BANF2: variants seen among roughly 807,000 people sequenced by gnomAD.
BANF2 encodes the protein barrier-to-autointegration factor-like protein.
A neutral mutation model predicts 8.0 loss-of-function variants in BANF2; 4 were observed. The observed-to-expected ratio is 0.50, with a 90% CI of 0.25 to 1.14. The LOEUF is 1.14. Ranked by LOEUF, BANF2 falls within the 50% of genes most tolerant of loss-of-function variation. The pLI is 0.16. For synonymous variants in BANF2, 50 were observed against 40.6 expected (o/e 1.23, Z -0.88); for missense variants, 96 against 107.5 (o/e 0.89, Z 0.47).
intron 1 of BANF2, among the ~76,000 whole-genome samples, chr20:17,719,735 T>C (rs11906563): frequency 0.033 from 5,058 of 151,716 alleles, 279 homozygotes; most frequent in African/African-American, 0.11. Flanking sequence ...GTCTGTCTGC[T>C]CTGAAGTTCT....
chr20:17,698,996 G>A (rs1338717675), upstream of BANF2, among the ~76,000 whole-genome samples: 2 of 152,048 alleles, frequency 1.3e-5, no homozygotes, highest in Non-Finnish European at 2.9e-5. Flanking sequence ...CAGCCTCAAC[G>A]TCATGTGGGA....
chr20:17,709,685 A>G (rs1474475930), intron 1 of BANF2, among the ~76,000 whole-genome samples: 1 of 152,230 alleles, frequency 6.6e-6, no homozygotes, highest in Non-Finnish European at 1.5e-5. Context: ...TCAGTGGTTG[A>G]GAACACAGAT....
upstream of BANF2, among the ~76,000 whole-genome samples, chr20:17,698,229 A>T (rs1045672809): frequency 2.7e-5 from 2 of 72,998 alleles, no homozygotes; most frequent in Non-Finnish European, 8.1e-5. Flanking sequence ...AATAATAATA[A>T]AAAAAAAAGG....
chr20:17,712,504 A>G (rs1485344730), intron 1 of BANF2: 17 of 982,528 alleles, frequency 1.7e-5, no homozygotes, highest in Non-Finnish European at 2.1e-5. Context: ...ACCCACTGGA[A>G]TCTAAAGAGT....
chr20:17,735,227 C>T (rs1291418088), intron 3 of BANF2, among the ~76,000 whole-genome samples: 2 of 152,202 alleles, frequency 1.3e-5, no homozygotes, highest in Non-Finnish European at 2.9e-5. Context: ...AAGAGAAATG[C>T]TTCACTGGAG....
At chr20:17,727,871 T>C (rs2037831557) in intron 3 of BANF2, among the ~76,000 whole-genome samples, 1 of 152,126 alleles carries the variant, frequency 6.6e-6, no homozygotes, top group Non-Finnish European at 1.5e-5. Context: ...CCCAAGTAGC[T>C]AAGACTAGAG....
chr20:17,703,193 C>T (rs2037434747), intron 1 of BANF2, among the ~76,000 whole-genome samples: 1 of 152,228 alleles, frequency 6.6e-6, no homozygotes, highest in African/African-American at 2.4e-5. Flanking sequence ...TCAGAAAGAT[C>T]TTCCCTATTC....
At chr20:17,724,441 G>T (rs1390655006) in intron 2 of BANF2, among the ~76,000 whole-genome samples, 1 of 152,174 alleles carries the variant, frequency 6.6e-6, no homozygotes, top group Non-Finnish European at 1.5e-5. Context: ...CCACCATGAG[G>T]GGAGCCAAGC....
At chr20:17,712,447 C>A in intron 1 of BANF2, 1 of 850,984 alleles carries the variant, frequency 1.2e-6, no homozygotes, top group Non-Finnish European at 1.4e-6. Flanking sequence ...AGGCAAGCCA[C>A]CAAGTCCCAT....
At chr20:17,724,927 A>T (rs948488174) in intron 2 of BANF2, 96 bp from the exon 3 acceptor site, 13 of 1,287,214 alleles carry the variant, frequency 1.0e-5, no homozygotes, top group Non-Finnish European at 1.4e-5. Context: ...CTGTTGCCCC[A>T]GTCCCTTGGT....
chr20:17,707,246 C>G (rs563802982), intron 1 of BANF2, among the ~76,000 whole-genome samples: 2 of 151,840 alleles, frequency 1.3e-5, no homozygotes, highest in East Asian at 1.9e-4. Context: ...AAAAATTAAC[C>G]GGGCATGGTG....
At position 17,725,082 on chromosome 20, in the gene BANF2, G is replaced by A; in HGVS notation, c.57G>A (p.Lys19=). The change falls in exon 3 of 4, where the codon AAG becomes AAA. Residue 19 remains lysine (K), a synonymous_variant. Coordinates refer to ENST00000246090, the MANE Select transcript of BANF2 (RefSeq NM_178477.5). The part of the protein sequence containing the change: ...RAFLSEPIGE[K]DVCWVDGISH... Reference sequence around the variant, plus strand: ...TCCTCTCCGAACCCATTGGAGAAAAGGATGTCTGCTGGGTGGATGGCATCA... The same window carrying A: ...TCCTCTCCGAACCCATTGGAGAAAAAGATGTCTGCTGGGTGGATGGCATCA... 1.2e-6 allele frequency: 2 copies of A among 1,610,632 alleles called. No individual in the cohort carries two copies. The highest frequency in any genetic ancestry group is 1.7e-6 in the Non-Finnish European group (2 of 1,176,760).
chr20:17,727,488 G>A (rs532982428), intron 3 of BANF2, among the ~76,000 whole-genome samples: 9 of 152,274 alleles, frequency 5.9e-5, no homozygotes, highest in South Asian at 2.1e-4. Flanking sequence ...GGTTATGCCC[G>A]GCAGGGAGGA....
At chr20:17,694,597 C>CTTT (rs2037327197) in intron 1 of BANF2, among the ~76,000 whole-genome samples, 2 of 36,278 alleles carry the variant, frequency 5.5e-5, no homozygotes, top group African/African-American at 1.5e-4. Flanking sequence ...TGTTTTTTCT[C>CTTT]TCTCTTTTTT....
At chr20:17,697,237 T>C (rs1310158108), upstream of BANF2, among the ~76,000 whole-genome samples, 1 of 152,224 alleles carries the variant, frequency 6.6e-6, no homozygotes, top group African/African-American at 2.4e-5. Flanking sequence ...CACCTCCATA[T>C]TCTTATTCCA....
upstream of BANF2, among the ~76,000 whole-genome samples, chr20:17,697,696 G>A (rs1166423105): frequency 6.6e-6 from 1 of 152,160 alleles, no homozygotes. Flanking sequence ...GGGGATGGGG[G>A]CAACAATGTG....
At chr20:17,731,528 A>T (rs905606512) in intron 3 of BANF2, 3 of 152,070 alleles carry the variant, frequency 2.0e-5, no homozygotes, top group Admixed American at 2.0e-4. Context: ...GAGCATTTTA[A>T]TAAGTGTGGA....
At chr20:17,709,712 C>T (rs2037541237) in intron 1 of BANF2, among the ~76,000 whole-genome samples, 1 of 152,184 alleles carries the variant, frequency 6.6e-6, no homozygotes, top group African/African-American at 2.4e-5. Flanking sequence ...CTGAGGCCCA[C>T]TCGGTTTGAG....
At chr20:17,726,019 A>G (rs75928584) in intron 3 of BANF2, among the ~76,000 whole-genome samples, 4,564 of 152,276 alleles carry the variant, frequency 0.03, 189 homozygotes, top group African/African-American at 0.091. Flanking sequence ...GTAAATACTC[A>G]GAATAACACC....
Sources: allele counts gnomAD v4.1 joint callset (sites outside exome capture counted in the v4.1 genomes callset), GRCh38; gene constraint gnomAD v4.1.1; transcripts MANE v1.5; gene names NCBI Gene and HGNC (gene_info 2026-07-23, HGNC 2026-07-21).